SLC39A11: variants seen among roughly 807,000 people sequenced by gnomAD.
SLC39A11 encodes the protein zinc transporter ZIP11.
In SLC39A11, 33 loss-of-function variants were observed where a neutral mutation model predicts 36.1. The observed-to-expected ratio is 0.91, with a 90% confidence interval of 0.69 to 1.22. The LOEUF is 1.22. Ranked by LOEUF, SLC39A11 falls within the 50% of genes most tolerant of loss-of-function variation. The pLI, the probability that SLC39A11 is intolerant of heterozygous loss-of-function variation, is 0.00. For synonymous variants in SLC39A11, 166 were observed against 170.3 expected (o/e 0.97, Z 0.20); for missense variants, 432 against 430.3 (o/e 1.00, Z -0.03).
rs370640219 is a variant in SLC39A11, at chr17:72,938,151, G to A, written c.430+9601C>T. Among the ~76,000 whole-genome samples the A allele has an allele frequency of 7.9e-5, 12 of 152,290 alleles. No homozygotes were observed. In the East Asian group the frequency reaches 1.2e-3, roughly 15 times the overall value. On this transcript the variant is annotated intron_variant, in intron 5 of 9. Transcript: ENST00000255559. ...AGCTATTTTCTTTCTCTGGACTCAG[G>A]AGGGAAAATACACCAGAGAGAAGAA... is the stretch of plus-strand genomic sequence containing the variant.
chr17:72,867,782 A>G (rs1490495187), intron 5 of SLC39A11, among the ~76,000 whole-genome samples: 4 of 151,788 alleles, frequency 2.6e-5, no homozygotes, highest in Non-Finnish European at 2.9e-5. Flanking sequence ...ACACACACAC[A>G]CACACACGCA....
chr17:72,855,857 A>G (rs1373023163), intron 5 of SLC39A11, among the ~76,000 whole-genome samples: 1 of 151,946 alleles, frequency 6.6e-6, no homozygotes, highest in Admixed American at 6.6e-5. Flanking sequence ...AGATGGCGCC[A>G]CTGCACTCCA....
intron 7 of SLC39A11, among the ~76,000 whole-genome samples, chr17:72,731,599 A>G (rs2074218267): frequency 6.6e-6 from 1 of 152,180 alleles, no homozygotes; most frequent in Non-Finnish European, 1.5e-5. Flanking sequence ...GAAAAGCTCA[A>G]AGATAGTAGA....
At chr17:72,810,542 C>T (rs978116188) in intron 6 of SLC39A11, among the ~76,000 whole-genome samples, 1 of 152,102 alleles carries the variant, frequency 6.6e-6, no homozygotes, top group African/African-American at 2.4e-5. Flanking sequence ...CAGGTGGAAC[C>T]TATCTATGGT....
Position 73,007,980 on chromosome 17 carries a change from G to T in SLC39A11, c.306+23576C>A, listed in dbSNP as rs553799280. Among the ~76,000 whole-genome samples the T allele has an allele frequency of 9.9e-5, 15 of 152,198 alleles. No homozygotes were observed. In the South Asian group the frequency reaches 3.1e-3, roughly 32 times the overall value. ...TAGCGGGGTGTGGTGGCGTGAGCCT[G>T]TAGTCCCAGCTACTCAGGAGGCTGA... On this transcript the variant is annotated intron_variant, in intron 4 of 9. Coordinates refer to ENST00000255559, the MANE Select transcript of SLC39A11 (RefSeq NM_139177.4).
intron 7 of SLC39A11, among the ~76,000 whole-genome samples, chr17:72,698,149 C>T (rs1055301215): frequency 6.6e-6 from 1 of 152,084 alleles, no homozygotes; most frequent in African/African-American, 2.4e-5. Flanking sequence ...TGTGTCTCCA[C>T]GTCTACTTTT....
At chr17:72,705,771 A>G (rs1201496184) in intron 7 of SLC39A11, among the ~76,000 whole-genome samples, 3 of 152,200 alleles carry the variant, frequency 2.0e-5, no homozygotes, top group Non-Finnish European at 4.4e-5. Context: ...TCTGAGCTCC[A>G]GGGATCAGAC....
chr17:72,948,019 C>G, intron 4 of SLC39A11, 144 bp from the exon 5 acceptor site: 1 of 998,562 alleles, frequency 1.0e-6, no homozygotes. Flanking sequence ...ACCCAGTTGC[C>G]AGGCCATGCT....
chr17:72,988,645 GC>G (rs1369761665), intron 4 of SLC39A11, among the ~76,000 whole-genome samples: 1 of 151,844 alleles, frequency 6.6e-6, no homozygotes, highest in Non-Finnish European at 1.5e-5. Context: ...AGTGCCCCTA[GC>G]CCTTGGCAAC....
At chr17:72,703,434 A>C (rs1299389688) in intron 7 of SLC39A11, among the ~76,000 whole-genome samples, 1 of 152,216 alleles carries the variant, frequency 6.6e-6, no homozygotes, top group Non-Finnish European at 1.5e-5. Context: ...CACAGTAAGC[A>C]AAAGAACACC....
intron 5 of SLC39A11, among the ~76,000 whole-genome samples, chr17:72,858,175 G>C (rs368993826): frequency 6.6e-6 from 1 of 152,174 alleles, no homozygotes; most frequent in African/African-American, 2.4e-5. Flanking sequence ...AAGGGATCCA[G>C]TTTAATTTCT....
At chr17:72,773,146 A>G (rs1486922492) in intron 6 of SLC39A11, among the ~76,000 whole-genome samples, 1 of 152,210 alleles carries the variant, frequency 6.6e-6, no homozygotes, top group Non-Finnish European at 1.5e-5. Flanking sequence ...TTGATCTGGA[A>G]GAGTTGGTTA....
At chr17:72,929,733 C>T (rs2084266882) in intron 5 of SLC39A11, among the ~76,000 whole-genome samples, 1 of 152,138 alleles carries the variant, frequency 6.6e-6, no homozygotes, top group Non-Finnish European at 1.5e-5. Context: ...TCCAGTTGTG[C>T]CCCGGGGGTC....
intron 4 of SLC39A11, among the ~76,000 whole-genome samples, chr17:73,028,377 C>T (rs1043806184): frequency 6.6e-6 from 1 of 152,172 alleles, no homozygotes; most frequent in Non-Finnish European, 1.5e-5. Context: ...AGCTGCTGCC[C>T]TTTTCAGGTC....
chr17:72,940,704 G>A (rs922332659), intron 5 of SLC39A11, among the ~76,000 whole-genome samples: 7 of 152,212 alleles, frequency 4.6e-5, no homozygotes, highest in African/African-American at 1.2e-4. Context: ...GCCATGCAGT[G>A]AGAGAATCTA....
At chr17:72,805,256 T>C (rs73354780) in intron 6 of SLC39A11, among the ~76,000 whole-genome samples, 3,527 of 152,138 alleles carry the variant, frequency 0.023, 141 homozygotes, top group African/African-American at 0.08. Context: ...CCTACTTCCA[T>C]CCTATGTAAT....
At chr17:72,862,137 T>C (rs1197283592) in intron 5 of SLC39A11, among the ~76,000 whole-genome samples, 1 of 152,158 alleles carries the variant, frequency 6.6e-6, no homozygotes, top group East Asian at 1.9e-4. Flanking sequence ...AAGATGGCTG[T>C]CTTCTTTTAA....
At chr17:73,068,286 C>A in intron 3 of SLC39A11, 1 of 670,966 alleles carries the variant, frequency 1.5e-6, no homozygotes. Context: ...GGCTCCTCCA[C>A]CATCTTGCTT....
At chr17:73,059,951 T>C (rs2059787810) in intron 3 of SLC39A11, among the ~76,000 whole-genome samples, 1 of 151,986 alleles carries the variant, frequency 6.6e-6, no homozygotes, top group African/African-American at 2.4e-5. Context: ...GACTCACCCC[T>C]GTAATCCCAG....
Sources: gnomAD v4.1 joint callset for allele counts (sites outside exome capture counted in the v4.1 genomes callset) on GRCh38, gnomAD v4.1.1 for gene constraint, MANE v1.5 for transcripts, NCBI Gene and HGNC (gene_info 2026-07-23, HGNC 2026-07-21) for gene names.